Variants in LSG1 observed in about 807,000 individuals in gnomAD.
LSG1 encodes large 60S subunit nuclear export GTPase 1, also known as large subunit GTPase 1 homolog.
In LSG1, 55 loss-of-function variants were observed where a neutral mutation model predicts 82.6. The observed-to-expected ratio is 0.67, with a 90% CI of 0.54 to 0.83. The LOEUF (loss-of-function observed/expected upper bound fraction) is 0.83. Ranked by LOEUF, LSG1 falls within the 40% of genes least tolerant of loss-of-function variation. The pLI is 0.00. For missense variants in LSG1, 809 were observed against 807.9 expected (o/e 1.00, Z -0.02); for synonymous variants, 272 against 282.5 (o/e 0.96, Z 0.37).
At chr3:194,671,044 A>T (rs1719130869) in intron 1 of LSG1, among the ~76,000 whole-genome samples, 1 of 152,244 alleles carries the variant, frequency 6.6e-6, no homozygotes, top group African/African-American at 2.4e-5. Context: ...TTGGTGAGTT[A>T]TGATCACACC....
chr3:194,659,206 C>T (rs1484754976), intron 6 of LSG1, 73 bp from the exon 7 acceptor site: 2 of 1,286,392 alleles, frequency 1.6e-6, no homozygotes, highest in Admixed American at 4.4e-5. Context: ...TATTAAAGAT[C>T]CCAATACAAG....
At chr3:194,645,520 AC>A (rs1718509069) in intron 12 of LSG1, 2 of 53,966 alleles carry the variant, frequency 3.7e-5, no homozygotes. Flanking sequence ...ACACACACAC[AC>A]ACACACACAG....
chr3:194,654,443 A>G (rs1247149700), intron 7 of LSG1, among the ~76,000 whole-genome samples: 2 of 152,214 alleles, frequency 1.3e-5, no homozygotes, highest in Non-Finnish European at 2.9e-5. Context: ...GATGAACTCA[A>G]ACATGTATCC....
intron 13 of LSG1, among the ~76,000 whole-genome samples, chr3:194,642,727 T>C (rs1052366619): frequency 1.1e-4 from 17 of 152,240 alleles, no homozygotes; most frequent in African/African-American, 4.1e-4. Context: ...TACATAGCTT[T>C]TAGAAACCTG....
intron 7 of LSG1, among the ~76,000 whole-genome samples, chr3:194,655,148 A>G (rs945298574): frequency 2.0e-5 from 3 of 152,228 alleles, no homozygotes; most frequent in Non-Finnish European, 4.4e-5. Flanking sequence ...GGAGGAAAGA[A>G]TATCTTCCAT....
intron 10 of LSG1, among the ~76,000 whole-genome samples, chr3:194,650,280 A>G (rs752378041): frequency 3.9e-4 from 60 of 152,156 alleles, no homozygotes; most frequent in Non-Finnish European, 7.6e-4. Flanking sequence ...ACTGTCCTAG[A>G]TGCTTTATGT....
Position 194,648,778 on chromosome 3 carries a change from A to G in LSG1, c.1446T>C (p.Val482=), listed in dbSNP as rs1335260130. The G allele has an allele frequency of 6.2e-7, 1 of 1,613,984 alleles. No homozygotes were observed. Among genetic ancestry groups the G allele is most frequent in the Non-Finnish European group, 8.5e-7 (1 of 1,179,944 alleles). ...SLVCQNIPRH[V]LEATYGINII... is the part of the protein sequence containing the mutation. Reference sequence around the variant, plus strand: ...TGTTAATGCCATAGGTAGCTTCTAAAACATGTCTTGGAATATTCTGGCAAA... The same window carrying G: ...TGTTAATGCCATAGGTAGCTTCTAAGACATGTCTTGGAATATTCTGGCAAA... Residue 482 remains valine, a synonymous_variant, in exon 11 of 14, where the codon GTT becomes GTC. Transcript: ENST00000265245.
At chr3:194,666,676 A>C (rs933795972) in intron 2 of LSG1, 104 bp from the exon 3 acceptor site, 4 of 927,704 alleles carry the variant, frequency 4.3e-6, no homozygotes, top group Non-Finnish European at 6.5e-6. Context: ...GCCTAAGAGA[A>C]CTTAAGATTT....
At position 194,642,306 on chromosome 3, in the gene LSG1, G is replaced by A. The variant is rs549905841; in HGVS notation, c.1798-59C>T. On this transcript the variant is annotated intron_variant, in intron 13 of 13. Transcript: ENST00000265245. Reference sequence around the variant, plus strand: ...CAGCAGGCTATCCTTTAAGGGATATGCACAGTACTATTAGTGGATCACTTC... The same window carrying A: ...CAGCAGGCTATCCTTTAAGGGATATACACAGTACTATTAGTGGATCACTTC... The A allele has an allele frequency of 4.1e-5, 59 of 1,439,546 alleles. No homozygotes were observed. In the South Asian group the frequency reaches 6.2e-4, roughly 15 times the overall value. 89.2% of individuals were successfully genotyped at this position (1,439,546 alleles called of 1,614,324 possible).
chr3:194,655,141 G>A (rs555465993), intron 7 of LSG1, among the ~76,000 whole-genome samples: 1 of 152,260 alleles, frequency 6.6e-6, no homozygotes, highest in South Asian at 2.1e-4. Flanking sequence ...TTAAAAAGGA[G>A]GAAAGAATAT....
At chr3:194,659,623 C>T (rs144684526) in intron 6 of LSG1, among the ~76,000 whole-genome samples, 2 of 152,334 alleles carry the variant, frequency 1.3e-5, no homozygotes, top group African/African-American at 4.8e-5. Flanking sequence ...GGGACTCTCA[C>T]ATGTTAGTTA....
In LSG1 at chr3:194,644,717, A is replaced by C; in HGVS notation, c.1653T>G (p.Pro551=). The stretch of plus-strand genomic sequence containing the variant: ...GCTGAAAAGTTACAGGATCTCTTCC[A>C]GGAGGAGGATGGCAGTACAGCAGCT... The part of the protein sequence containing the change: ...SGKLLYCHPP[P]GRDPVTFQHQ... The change falls in exon 13 of 14, where the codon CCT becomes CCG. Residue 551 remains proline, a synonymous_variant. Transcript: ENST00000265245. 6.2e-7 allele frequency: 1 copy of C among 1,607,804 alleles called. No homozygotes were observed. The highest frequency in any genetic ancestry group is 8.5e-7 in the Non-Finnish European group (1 of 1,176,578).
chr3:194,652,410 G>A (rs1214539792), intron 8 of LSG1, among the ~76,000 whole-genome samples: 1 of 152,244 alleles, frequency 6.6e-6, no homozygotes, highest in East Asian at 1.9e-4. Context: ...CTGGGCTGAA[G>A]TCTGAAGACA....
chr3:194,652,646 G>A (rs1249091209), intron 8 of LSG1, 83 bp downstream of exon 8: 1 of 1,437,196 alleles, frequency 7.0e-7, no homozygotes, highest in Non-Finnish European at 9.5e-7. Context: ...AAGCCTGGTT[G>A]GTCTTTGGGG....
intron 6 of LSG1, among the ~76,000 whole-genome samples, chr3:194,659,503 TAATA>T (rs879479272): frequency 4.2e-4 from 64 of 152,182 alleles, no homozygotes; most frequent in Non-Finnish European, 7.8e-4. Context: ...TATAAGATAG[TAATA>T]AATAAATAAA....
At position 194,652,990 on chromosome 3, in the gene LSG1, GTCATCT is replaced by G; in HGVS notation, c.906_911del (p.Glu302_Asp303del). 1 of 1,614,118 alleles carries G rather than the reference GTCATCT, an allele frequency of 6.2e-7. No homozygotes were observed. The highest frequency in any genetic ancestry group is 8.5e-7 in the Non-Finnish European group (1 of 1,180,018). On this transcript the variant is annotated inframe_deletion, in exon 8 of 14. Coordinates refer to ENST00000265245, the MANE Select transcript of LSG1 (RefSeq NM_018385.3). ...CCTCTGGACAGTCCTCATACTCACTGTCATCTTCATCCGTTGTGGGATTTTCACTAA... is the reference window on the plus strand; with the variant it reads ...CCTCTGGACAGTCCTCATACTCACTGTCATCCGTTGTGGGATTTTCACTAA...
In LSG1 at chr3:194,646,155, T is replaced by A. The variant is rs781372265; in HGVS notation, c.1623+9A>T. ...GTATTGGAGAGCATGAGAGGCAGGG[T>A]TCACTTACACTGACATAGTCCTTCA... On this transcript the variant is annotated intron_variant, in intron 12 of 13. Coordinates refer to ENST00000265245, the MANE Select transcript of LSG1 (RefSeq NM_018385.3). The A allele has an allele frequency of 6.2e-7, 1 of 1,613,262 alleles. No homozygotes were observed. Among genetic ancestry groups the A allele is most frequent in the Non-Finnish European group, 8.5e-7 (1 of 1,179,346 alleles).
At position 194,652,829 on chromosome 3, in the gene LSG1, T is replaced by C; in HGVS notation, c.1073A>G (p.His358Arg). Residue 358 changes from histidine (H) to arginine (R), a missense_variant, in exon 8 of 14, where the codon CAC becomes CGC. Transcript: ENST00000265245. ...SRKTPQKRQI[H>R]NFSHLVSKQE... ...CTTGGATACCAGATGGCTAAAATTG[T>C]GTATCTGCCTCTTCTGTGGGGTTTT... is the stretch of plus-strand genomic sequence containing the variant. 1 of 1,614,128 alleles carries C rather than the reference T, an allele frequency of 6.2e-7. No homozygotes were observed. The highest frequency in any genetic ancestry group is 8.5e-7 in the Non-Finnish European group (1 of 1,180,022).
In LSG1 at chr3:194,670,129, T is replaced by C. The variant is rs749426922; in HGVS notation, c.106A>G (p.Thr36Ala). ...SHRHTDSWLH[T>A]SELNDGYDWG... ...TCATAGCCATCATTGAGTTCACTTG[T>C]GTGCAACTATGAAAAAACACAGGGT... The change falls in exon 2 of 14, where the codon ACA (threonine) becomes GCA (alanine). Residue 36 changes from threonine to alanine, a missense_variant. By Grantham distance (58) the Thr-to-Ala change is moderately conservative. Transcript: ENST00000265245. 6.4e-7 allele frequency: 1 copy of C among 1,564,994 alleles called. No individual in the cohort carries two copies. Among genetic ancestry groups the C allele is most frequent in the Non-Finnish European group, 8.6e-7 (1 of 1,157,340 alleles).
Sources: gnomAD v4.1 joint callset for allele counts (sites outside exome capture counted in the v4.1 genomes callset) on GRCh38, gnomAD v4.1.1 for gene constraint, MANE v1.5 for transcripts, NCBI Gene and HGNC (gene_info 2026-07-23, HGNC 2026-07-21) for gene names.